Variants in TSHZ2 observed in about 807,000 individuals in gnomAD.
The protein encoded by TSHZ2 is teashirt homolog 2.
TSHZ2 carries 21 observed loss-of-function variants against 74.4 expected under a neutral mutation model. The observed-to-expected ratio is 0.28, with a 90% confidence interval of 0.20 to 0.41. The LOEUF (loss-of-function observed/expected upper bound fraction) is 0.41, where lower values mean the gene tolerates loss of function less well. Ranked by LOEUF, TSHZ2 falls within the 10% of genes least tolerant of loss-of-function variation. The pLI, the probability that TSHZ2 is intolerant of heterozygous loss-of-function variation, is 1.00. For synonymous variants in TSHZ2, 540 were observed against 515.3 expected (o/e 1.05, Z -0.65); for missense variants, 1,244 against 1,293.5 (o/e 0.96, Z 0.59).
intron 1 of TSHZ2, among the ~76,000 whole-genome samples, chr20:53,132,588 AATTT>A (rs1478773368): frequency 6.6e-6 from 1 of 151,994 alleles, no homozygotes; most frequent in Non-Finnish European, 1.5e-5. Flanking sequence ...CCCTGCCCAT[AATTT>A]TTTTTGTCCT....
At position 53,113,052 on chromosome 20, in the gene TSHZ2, C is replaced by T. The variant is rs550185798; in HGVS notation, c.40+139719C>T. Among the ~76,000 whole-genome samples, 28 of 152,314 alleles carry T rather than the reference C, an allele frequency of 1.8e-4. No homozygotes were observed. The South Asian group carries it at 4.6e-3, about 25-fold the overall frequency. ...ATGCAAAGTTTAAGAATATCAGCCA[C>T]GGCTTGCAGTGAGATTGCATATTTG... On this transcript the variant is annotated intron_variant, in intron 1 of 2. Transcript: ENST00000371497.
intron 1 of TSHZ2, among the ~76,000 whole-genome samples, chr20:53,186,333 G>A (rs535353863): frequency 5.9e-5 from 9 of 152,334 alleles, no homozygotes; most frequent in African/African-American, 1.7e-4. Context: ...TTAAGCCATC[G>A]GTGTTCAAAC....
At position 53,256,336 on chromosome 20, in the gene TSHZ2, T is replaced by A; in HGVS notation, c.2878T>A (p.Ser960Thr). Residue 960 changes from serine to threonine, a missense_variant, in exon 2 of 3, where the codon TCA (serine) becomes ACA (threonine). By Grantham distance (58) the Ser-to-Thr change is moderately conservative. Transcript: ENST00000371497. The surrounding 1 kb of genome is among the most constrained non-coding windows in gnomAD (Gnocchi z 4.3). Reference sequence around the variant, plus strand: ...CCAAATGAAGGACATGACCCGCTTGTCAGTGGACCAGCAAAGCAAGGTGGA... The same window carrying A: ...CCAAATGAAGGACATGACCCGCTTGACAGTGGACCAGCAAAGCAAGGTGGA... ...GFQMKDMTRL[S>T]VDQQSKVEQE... The A allele has an allele frequency of 1.2e-6, 2 of 1,613,794 alleles. No individual in the cohort carries two copies. The highest frequency in any genetic ancestry group is 1.7e-6 in the Non-Finnish European group (2 of 1,179,726).
At chr20:53,047,206 T>C (rs899787598) in intron 1 of TSHZ2, among the ~76,000 whole-genome samples, 1 of 152,250 alleles carries the variant, frequency 6.6e-6, no homozygotes, top group Non-Finnish European at 1.5e-5. Flanking sequence ...ACTCTAACTC[T>C]TCATATCCTG....
At chr20:53,193,595 A>G (rs1235361495) in intron 1 of TSHZ2, among the ~76,000 whole-genome samples, 1 of 152,214 alleles carries the variant, frequency 6.6e-6, no homozygotes, top group Non-Finnish European at 1.5e-5. Flanking sequence ...AGGTGCCTAG[A>G]ACACAGCTGA....
chr20:53,388,665 C>A (rs896327184), intron 2 of TSHZ2, among the ~76,000 whole-genome samples: 1 of 151,178 alleles, frequency 6.6e-6, no homozygotes, highest in Non-Finnish European at 1.5e-5. Flanking sequence ...GCAACCTCTG[C>A]CTCCCAGGTT....
chr20:53,193,841 G>C (rs1988798118), intron 1 of TSHZ2, among the ~76,000 whole-genome samples: 3 of 151,342 alleles, frequency 2.0e-5, no homozygotes, highest in African/African-American at 7.4e-5. Context: ...CCTTGAACCT[G>C]AGGGAGTTGA....
intron 2 of TSHZ2, chr20:53,412,573 G>T (rs1444727032): frequency 6.6e-6 from 1 of 152,260 alleles, no homozygotes; most frequent in African/African-American, 2.4e-5. Flanking sequence ...TTCTGTGGAC[G>T]GTTCCCTCTG....
chr20:53,017,815 T>A (rs1023275973), intron 1 of TSHZ2, among the ~76,000 whole-genome samples: 1 of 152,204 alleles, frequency 6.6e-6, no homozygotes, highest in Admixed American at 6.5e-5. Flanking sequence ...TTCAGAAGTA[T>A]CTTGTATAGT....
chr20:53,372,058 A>G (rs189880113), intron 2 of TSHZ2, among the ~76,000 whole-genome samples: 2 of 152,192 alleles, frequency 1.3e-5, no homozygotes, highest in Non-Finnish European at 2.9e-5. Context: ...CAGTCATTGA[A>G]TTAGGGCCCA....
chr20:53,203,084 T>TGCTCC (rs1453494272), intron 1 of TSHZ2, among the ~76,000 whole-genome samples: 1 of 152,196 alleles, frequency 6.6e-6, no homozygotes, highest in Admixed American at 6.5e-5. Context: ...CTTATATAAC[T>TGCTCC]TTAGCTGCTC....
intron 2 of TSHZ2, among the ~76,000 whole-genome samples, chr20:53,402,877 C>T (rs1371579419): frequency 1.2e-4 from 18 of 152,218 alleles, no homozygotes; most frequent in Non-Finnish European, 2.5e-4. Context: ...TTTGATTCTG[C>T]AGCCTGTTCT....
At chr20:53,433,576 GACACACAGACACACACACACAC>G (rs1465433640) in intron 2 of TSHZ2, among the ~76,000 whole-genome samples, 8 of 76,700 alleles carry the variant, frequency 1.0e-4, no homozygotes, top group Non-Finnish European at 2.2e-4. Flanking sequence ...CAGACACACA[GACACACAGACACACACACACAC>G]ACACACACAC....
intron 2 of TSHZ2, among the ~76,000 whole-genome samples, chr20:53,380,903 A>C (rs1174281432): frequency 6.6e-6 from 1 of 152,222 alleles, no homozygotes; most frequent in Non-Finnish European, 1.5e-5. Flanking sequence ...TATCCCAAAA[A>C]ACTAGAAACC....
chr20:53,342,453 A>G (rs945249923), intron 2 of TSHZ2, among the ~76,000 whole-genome samples: 10 of 152,186 alleles, frequency 6.6e-5, no homozygotes, highest in African/African-American at 2.4e-4. Flanking sequence ...TACGTCCGGT[A>G]TAACCAGTAA....
intron 1 of TSHZ2, among the ~76,000 whole-genome samples, chr20:53,159,340 A>G (rs889889795): frequency 2.0e-5 from 3 of 152,218 alleles, no homozygotes; most frequent in African/African-American, 7.2e-5. Flanking sequence ...TTGGAAATAA[A>G]GTTTTATTGG....
rs146078960 is a variant in TSHZ2, at chr20:53,209,846, C to G, written c.41-43653C>G. ...AACAATGGCTTTGAACGCATGGACC[C>G]TGTTGCACAGCAGGCTCTCACCGGG... On this transcript the variant is annotated intron_variant, in intron 1 of 2. Transcript: ENST00000371497. Among the ~76,000 whole-genome samples the G allele has an allele frequency of 2.7e-3, 408 of 152,258 alleles. 3 individuals carry two copies. The highest frequency in any genetic ancestry group is 9.2e-3 in the African/African-American group (381 of 41,534).
intron 1 of TSHZ2, among the ~76,000 whole-genome samples, chr20:52,987,457 CCT>C (rs574813303): frequency 1.1e-3 from 161 of 149,332 alleles, no homozygotes; most frequent in African/African-American, 3.6e-3. Flanking sequence ...CTTTCTCTCT[CCT>C]CTCTCTCTCT....
rs527420638 is a variant in TSHZ2 at position 53,387,971 on chromosome 20, C to T, written c.*9-99173C>T. Reference sequence around the variant, plus strand: ...GGCTGAGACAGGAGAATTGCTTGAACCTGGGAGGCAGAGGTTGCAGTGAGC... The same window carrying T: ...GGCTGAGACAGGAGAATTGCTTGAATCTGGGAGGCAGAGGTTGCAGTGAGC... On this transcript the variant is annotated intron_variant, in intron 2 of 2. Coordinates refer to ENST00000371497, the MANE Select transcript of TSHZ2 (RefSeq NM_173485.6). Among the ~76,000 whole-genome samples the T allele has an allele frequency of 8.9e-4, 135 of 151,794 alleles. 2 individuals carry two copies. The South Asian group carries it at 0.013, about 15-fold the overall frequency.
Sources: allele counts gnomAD v4.1 joint callset (sites outside exome capture counted in the v4.1 genomes callset), GRCh38; gene constraint gnomAD v4.1.1; non-coding constraint Gnocchi (gnomAD v3.1); transcripts MANE v1.5; gene names NCBI Gene and HGNC (gene_info 2026-07-23, HGNC 2026-07-21).